The following FBXL17 variants were observed in gnomAD, a reference collection of about 807,000 sequenced individuals.
FBXL17 encodes the protein F-box and leucine rich repeat protein 17, also known as F-box/LRR-repeat protein 17.
Under a neutral mutation model 66.2 loss-of-function variants are expected in FBXL17, and 22 were observed. The observed-to-expected ratio is 0.33, with a 90% confidence interval of 0.24 to 0.47. The LOEUF (loss-of-function observed/expected upper bound fraction) is 0.47, where lower values mean the gene tolerates loss of function less well. Among genes scored for constraint, FBXL17 ranks in the 20% least tolerant of loss-of-function variants. FBXL17 has a pLI of 1.00. For synonymous variants in FBXL17, 474 were observed against 400.5 expected (o/e 1.18, Z -2.19); for missense variants, 878 against 948.2 (o/e 0.93, Z 0.97).
intron 1 of FBXL17, among the ~76,000 whole-genome samples, chr5:108,378,030 G>A (rs1336387010): frequency 6.6e-6 from 1 of 152,112 alleles, no homozygotes; most frequent in African/African-American, 2.4e-5. Context: ...TTTAAGATGT[G>A]GGTAATAAGC....
intron 7 of FBXL17, among the ~76,000 whole-genome samples, chr5:107,975,656 T>C (rs1752549462): frequency 6.6e-6 from 1 of 152,156 alleles, no homozygotes. Flanking sequence ...GTGGTTTTCA[T>C]TGTAATGGCA....
At chr5:108,273,209 G>A (rs559886646) in intron 4 of FBXL17, among the ~76,000 whole-genome samples, 5 of 152,082 alleles carry the variant, frequency 3.3e-5, no homozygotes, top group South Asian at 2.1e-4. Context: ...GGACCGAGGC[G>A]GGATAGCATT....
intron 7 of FBXL17, among the ~76,000 whole-genome samples, chr5:108,017,863 T>C (rs952863460): frequency 1.3e-5 from 2 of 152,176 alleles, no homozygotes; most frequent in Non-Finnish European, 2.9e-5. Flanking sequence ...AAGAAGCCTA[T>C]TAGCATGATC....
intron 6 of FBXL17, among the ~76,000 whole-genome samples, chr5:108,179,229 G>GT (rs771101007): frequency 1.1e-3 from 175 of 152,202 alleles, no homozygotes; most frequent in Non-Finnish European, 1.8e-3. Flanking sequence ...AAATATCACC[G>GT]TTTTTTATTG....
At chr5:107,999,452 A>AACACACACAC (rs55900474) in intron 7 of FBXL17, among the ~76,000 whole-genome samples, 45 of 144,434 alleles carry the variant, frequency 3.1e-4, no homozygotes, top group African/African-American at 1.0e-3. Context: ...TTTTGTCAGA[A>AACACACACAC]ACACACACAC....
At chr5:108,046,294 T>A (rs1747251494) in intron 6 of FBXL17, among the ~76,000 whole-genome samples, 1 of 152,186 alleles carries the variant, frequency 6.6e-6, no homozygotes, top group Non-Finnish European at 1.5e-5. Context: ...GCATGATATA[T>A]CTTTTCCTAT....
At chr5:108,042,515 G>C (rs1376336785) in intron 6 of FBXL17, among the ~76,000 whole-genome samples, 1 of 151,758 alleles carries the variant, frequency 6.6e-6, no homozygotes, top group Non-Finnish European at 1.5e-5. Context: ...GAATCATAGA[G>C]TATATAATTT....
chr5:108,306,759 A>G (rs1295816594), intron 4 of FBXL17, among the ~76,000 whole-genome samples: 1 of 152,034 alleles, frequency 6.6e-6, no homozygotes. Context: ...GTCATATTTT[A>G]ACTTGGGTAC....
rs987105341 is a variant in FBXL17, at chr5:108,381,019, CGCCGCCGCCGCCGCA to C, written c.658_672del (p.Cys220_Gly224del). On this transcript the variant is annotated inframe_deletion, in exon 1 of 9. Transcript: ENST00000542267. ...GCAGGCCCTCCCCCGCCACCGCCGCCGCCGCCGCCGCCGCAGCCCCCGCCGCCGCAGCGGGGCTGC... is the reference window on the plus strand; with the variant it reads ...GCAGGCCCTCCCCCGCCACCGCCGCCGCCCCCGCCGCCGCAGCGGGGCTGC... 4.1e-5 allele frequency: 49 copies of C among 1,187,342 alleles called. No homozygotes were observed. Among genetic ancestry groups the C allele is most frequent in the Non-Finnish European group, 4.9e-5 (47 of 959,908 alleles). The allele number at this position is 1,187,342 out of a possible 1,614,324, so 73.6% of individuals were successfully genotyped here. A position where few individuals can be genotyped will look rare whatever the true frequency, so the allele number is the denominator to read the frequency against.
intron 7 of FBXL17, among the ~76,000 whole-genome samples, chr5:108,020,240 CT>C (rs1210234692): frequency 3.3e-5 from 5 of 151,802 alleles, no homozygotes; most frequent in Non-Finnish European, 7.4e-5. Flanking sequence ...CTGCTTAAAA[CT>C]CTGTAATTAG....
chr5:108,366,298 A>G (rs550396546), intron 2 of FBXL17, among the ~76,000 whole-genome samples: 1 of 152,194 alleles, frequency 6.6e-6, no homozygotes, highest in Non-Finnish European at 1.5e-5. Context: ...CAATCACCAC[A>G]TTTCCAAAAT....
chr5:108,213,650 G>A (rs943222584), intron 5 of FBXL17, among the ~76,000 whole-genome samples: 13 of 152,222 alleles, frequency 8.5e-5, no homozygotes, highest in Admixed American at 5.2e-4. Context: ...GAGATGAACC[G>A]GGTACCTCAG....
chr5:108,253,856 G>A (rs1756462748), intron 4 of FBXL17, among the ~76,000 whole-genome samples: 1 of 152,058 alleles, frequency 6.6e-6, no homozygotes, highest in African/African-American at 2.4e-5. Flanking sequence ...AGCCAGGCAT[G>A]GTGGTGGGTG....
intron 6 of FBXL17, among the ~76,000 whole-genome samples, chr5:108,123,427 A>C (rs566819557): frequency 6.6e-6 from 1 of 152,314 alleles, no homozygotes; most frequent in East Asian, 1.9e-4. Flanking sequence ...TCCTAAAAAC[A>C]AATCTTAAAA....
At chr5:108,045,977 G>C (rs1747240455) in intron 6 of FBXL17, among the ~76,000 whole-genome samples, 1 of 152,134 alleles carries the variant, frequency 6.6e-6, no homozygotes, top group Admixed American at 6.5e-5. Flanking sequence ...AAATCTGTTG[G>C]TTGATAGTGT....
At chr5:107,975,413 C>G in intron 7 of FBXL17, among the ~76,000 whole-genome samples, 1 of 152,146 alleles carries the variant, frequency 6.6e-6, no homozygotes, top group East Asian at 1.9e-4. Flanking sequence ...AGATTACATA[C>G]AGAAATGTCA....
At chr5:108,319,704 A>G (rs986873318) in intron 4 of FBXL17, among the ~76,000 whole-genome samples, 1 of 151,766 alleles carries the variant, frequency 6.6e-6, no homozygotes, top group Admixed American at 6.6e-5. Context: ...TCAGAAAAAA[A>G]TAAAATGACA....
intron 7 of FBXL17, among the ~76,000 whole-genome samples, chr5:107,895,716 G>T (rs1311801842): frequency 6.6e-6 from 1 of 152,116 alleles, no homozygotes; most frequent in Non-Finnish European, 1.5e-5. Context: ...TTCTTTGATT[G>T]ACCGGGGTTG....
At chr5:107,908,188 C>T (rs554636571) in intron 7 of FBXL17, among the ~76,000 whole-genome samples, 4 of 152,232 alleles carry the variant, frequency 2.6e-5, no homozygotes, top group Non-Finnish European at 1.5e-5. Flanking sequence ...AGTAAACTAT[C>T]GCAAGAACAA....
Sources: gnomAD v4.1 joint callset for allele counts (sites outside exome capture counted in the v4.1 genomes callset) on GRCh38, gnomAD v4.1.1 for gene constraint, MANE v1.5 for transcripts, NCBI Gene and HGNC (gene_info 2026-07-23, HGNC 2026-07-21) for gene names.